IGF2BP2: variants seen among roughly 807,000 people sequenced by gnomAD.
IGF2BP2 encodes the protein insulin-like growth factor 2 mRNA-binding protein 2.
IGF2BP2 carries 17 observed loss-of-function variants against 75.8 expected under a neutral mutation model. The ratio of observed to expected loss-of-function variants is 0.22; its 90% CI spans 0.15 to 0.34. The LOEUF (loss-of-function observed/expected upper bound fraction) is 0.34, where lower values mean the gene tolerates loss of function less well. Ranked by LOEUF, IGF2BP2 falls within the 10% of genes least tolerant of loss-of-function variation. The probability of loss-of-function intolerance (pLI) is 1.00; values close to 1 mark genes in which losing one functional copy is unlikely to be tolerated. For missense variants in IGF2BP2, 516 were observed against 772.4 expected, an observed-to-expected ratio of 0.67 and a Z score of 3.93; for synonymous variants, 288 against 295.6, an observed-to-expected ratio of 0.97 and a Z score of 0.26.
intron 10 of IGF2BP2, among the ~76,000 whole-genome samples, chr3:185,662,597 G>A (rs1312862925): frequency 6.9e-6 from 1 of 145,578 alleles, no homozygotes; most frequent in Admixed American, 6.9e-5. Flanking sequence ...AGGCTGGAGT[G>A]CAGTGGCATG....
intron 4 of IGF2BP2, 187 bp downstream of exon 4, chr3:185,696,425 A>G (rs1722587273): frequency 1.7e-6 from 1 of 593,198 alleles, no homozygotes; most frequent in South Asian, 2.3e-5. Context: ...ATAGACATAC[A>G]TAGAAAGAGA....
intron 5 of IGF2BP2, 120 bp from the exon 6 acceptor site, chr3:185,689,747 T>A: frequency 9.2e-7 from 1 of 1,086,256 alleles, no homozygotes; most frequent in Non-Finnish European, 1.4e-6. Flanking sequence ...GGCGGGTGGA[T>A]CACGAGGTCA....
At chr3:185,741,731 A>C (rs186036955) in intron 2 of IGF2BP2, among the ~76,000 whole-genome samples, 1 of 152,360 alleles carries the variant, frequency 6.6e-6, no homozygotes, top group East Asian at 1.9e-4. Context: ...TTGATGCCCA[A>C]TGAGTACGGG....
chr3:185,680,717 G>C (rs1720249175), intron 7 of IGF2BP2, among the ~76,000 whole-genome samples: 2 of 152,170 alleles, frequency 1.3e-5, no homozygotes, highest in Non-Finnish European at 2.9e-5. Flanking sequence ...GCTGAGGAAA[G>C]AGGATTGCTT....
At chr3:185,803,617 T>C (rs1292254616) in intron 2 of IGF2BP2, among the ~76,000 whole-genome samples, 1 of 152,232 alleles carries the variant, frequency 6.6e-6, no homozygotes, top group Non-Finnish European at 1.5e-5. Flanking sequence ...CCTAACTTCT[T>C]CTAGCATAGG....
chr3:185,732,621 A>G (rs1473864168), intron 2 of IGF2BP2, among the ~76,000 whole-genome samples: 1 of 152,172 alleles, frequency 6.6e-6, no homozygotes, highest in African/African-American at 2.4e-5. Context: ...CTTCTGCAAG[A>G]CCCATGTCTC....
At chr3:185,739,881 G>T (rs1729327490) in intron 2 of IGF2BP2, among the ~76,000 whole-genome samples, 1 of 74,804 alleles carries the variant, frequency 1.3e-5, no homozygotes. Context: ...CCGAGACAAG[G>T]TCTCACTCCC....
chr3:185,816,286 C>G (rs908708325), intron 2 of IGF2BP2, among the ~76,000 whole-genome samples: 1 of 152,118 alleles, frequency 6.6e-6, no homozygotes, highest in Admixed American at 6.5e-5. Flanking sequence ...AACAACAACC[C>G]CACAACCTGC....
intron 2 of IGF2BP2, among the ~76,000 whole-genome samples, chr3:185,793,397 G>C (rs1170049953): frequency 6.6e-6 from 1 of 152,042 alleles, no homozygotes; most frequent in Non-Finnish European, 1.5e-5. Context: ...CAGTAAAATG[G>C]TCTCTACTTT....
At chr3:185,733,549 G>C (rs1269926599) in intron 2 of IGF2BP2, among the ~76,000 whole-genome samples, 1 of 152,204 alleles carries the variant, frequency 6.6e-6, no homozygotes, top group East Asian at 1.9e-4. Context: ...CTGAGGTCGG[G>C]AGTTCGAGAC....
At chr3:185,761,940 C>A (rs1347064411) in intron 2 of IGF2BP2, among the ~76,000 whole-genome samples, 1 of 152,172 alleles carries the variant, frequency 6.6e-6, no homozygotes, top group Non-Finnish European at 1.5e-5. Context: ...GACAGCTAGA[C>A]CAAGGGACAC....
chr3:185,646,951 G>A, intron 15 of IGF2BP2, 74 bp downstream of exon 15: 1 of 1,163,182 alleles, frequency 8.6e-7, no homozygotes, highest in Non-Finnish European at 1.3e-6. Flanking sequence ...GTGGCCACCT[G>A]ACAGGCCACC....
chr3:185,692,956 C>A (rs1263913459), intron 4 of IGF2BP2, among the ~76,000 whole-genome samples, 194 bp from the exon 5 acceptor site: 4 of 152,196 alleles, frequency 2.6e-5, no homozygotes, highest in Non-Finnish European at 5.9e-5. Flanking sequence ...CGTTTGTAAT[C>A]AATCGTATGA....
intron 2 of IGF2BP2, among the ~76,000 whole-genome samples, chr3:185,704,089 C>T (rs748936104): frequency 7.2e-5 from 11 of 152,146 alleles, no homozygotes; most frequent in Admixed American, 1.3e-4. Flanking sequence ...GGGCTCCATG[C>T]GGGATTCTAC....
At chr3:185,808,133 AAAGAAAG>A (rs1308030993) in intron 2 of IGF2BP2, among the ~76,000 whole-genome samples, 14 of 68,504 alleles carry the variant, frequency 2.0e-4, no homozygotes, top group Non-Finnish European at 3.6e-4. Context: ...AAAAAAAAAA[AAAGAAAG>A]AAAGAAAGAA....
chr3:185,807,596 G>A (rs548755028), intron 2 of IGF2BP2, among the ~76,000 whole-genome samples: 22 of 152,180 alleles, frequency 1.4e-4, no homozygotes, highest in Non-Finnish European at 2.5e-4. Context: ...GATGGCTCCC[G>A]AAGATTCTCA....
chr3:185,788,684 T>G (rs892114522), intron 2 of IGF2BP2, among the ~76,000 whole-genome samples: 1 of 151,522 alleles, frequency 6.6e-6, no homozygotes, highest in Non-Finnish European at 1.5e-5. Context: ...AGTCTACTGG[T>G]TGTAAAGTCC....
At chr3:185,715,602 C>A (rs776275677) in intron 2 of IGF2BP2, among the ~76,000 whole-genome samples, 2 of 152,182 alleles carry the variant, frequency 1.3e-5, no homozygotes, top group Admixed American at 6.5e-5. Context: ...ATCCCACCAT[C>A]AGGACAGTCT....
intron 2 of IGF2BP2, among the ~76,000 whole-genome samples, chr3:185,750,574 T>C (rs1280490164): frequency 1.3e-5 from 2 of 152,092 alleles, no homozygotes; most frequent in Non-Finnish European, 2.9e-5. Context: ...GTTCTCTACG[T>C]AGATCACTTG....
Sources: gnomAD v4.1 joint callset for allele counts (sites outside exome capture counted in the v4.1 genomes callset) on GRCh38, gnomAD v4.1.1 for gene constraint, MANE v1.5 for transcripts, NCBI Gene and HGNC (gene_info 2026-07-23, HGNC 2026-07-21) for gene names.